The following RNF149 variants were observed in gnomAD, a reference collection of about 807,000 sequenced individuals.
RNF149 encodes the protein ring finger protein 149, also known as E3 ubiquitin-protein ligase RNF149.
A neutral mutation model predicts 39.0 loss-of-function variants in RNF149; 21 were observed. The ratio of observed to expected loss-of-function variants is 0.54; its 90% CI spans 0.38 to 0.77. RNF149 has a LOEUF of 0.77. Among genes scored for constraint, RNF149 ranks in the 30% least tolerant of loss-of-function variants. The pLI is 0.00. For synonymous variants in RNF149, 209 were observed against 213.6 expected (o/e 0.98, Z 0.19); for missense variants, 493 against 534.9 (o/e 0.92, Z 0.77).
intron 1 of RNF149, among the ~76,000 whole-genome samples, chr2:101,300,379 G>A (rs546883006): frequency 3.3e-4 from 51 of 152,304 alleles, no homozygotes; most frequent in African/African-American, 1.2e-3. Context: ...TCTCAAGGCT[G>A]GGGGTGGGGG....
intron 1 of RNF149, among the ~76,000 whole-genome samples, chr2:101,304,358 C>G (rs1683578065): frequency 6.6e-6 from 1 of 152,192 alleles, no homozygotes; most frequent in Non-Finnish European, 1.5e-5. Context: ...GATCATGCCA[C>G]TGCACTCCAG....
rs1682336790 is a variant in RNF149, at chr2:101,276,147, A to G, written c.*1091T>C. The G allele has an allele frequency of 2.1e-6, 2 of 970,608 alleles. No individual in the cohort carries two copies. Among genetic ancestry groups the G allele is most frequent in the African/African-American group, 1.8e-5 (1 of 56,976 alleles). 60.1% of individuals were successfully genotyped at this position (970,608 alleles called of 1,614,324 possible). ...AGTAAAGATATACAGAATAACTAGG[A>G]GCAAGGAAAGACTATAATTCCACAC... On this transcript the variant is annotated 3_prime_UTR_variant, in exon 7 of 7. Transcript: ENST00000295317.
chr2:101,273,162 C>T, downstream of RNF149: 12 of 1,308,386 alleles, frequency 9.2e-6, no homozygotes, highest in Non-Finnish European at 1.2e-5. Context: ...CCTCTCTGGC[C>T]CTTTAGTTTT....
At chr2:101,297,104 G>A (rs1683261659) in intron 1 of RNF149, among the ~76,000 whole-genome samples, 2 of 152,094 alleles carry the variant, frequency 1.3e-5, no homozygotes, top group Non-Finnish European at 2.9e-5. Flanking sequence ...AGCTACTCAG[G>A]AGACAGAGAT....
At chr2:101,302,745 C>T (rs979765302) in intron 1 of RNF149, among the ~76,000 whole-genome samples, 4 of 152,038 alleles carry the variant, frequency 2.6e-5, no homozygotes, top group Non-Finnish European at 4.4e-5. Context: ...TCTGGGAGGC[C>T]GGGGCAGAAG....
chr2:101,277,104 T>A lies in RNF149; in HGVS notation c.*134A>T, dbSNP rs1682374203. ...AGAAAATATCTTAGTCCTTTGTATA[T>A]CAAATCAGAATCTAATAGGTAAAAT... On this transcript the variant is annotated 3_prime_UTR_variant, in exon 7 of 7. Transcript: ENST00000295317. The A allele has an allele frequency of 2.1e-6, 3 of 1,437,300 alleles. No homozygotes were observed. The highest frequency in any genetic ancestry group is 4.7e-5 in the Admixed American group (2 of 42,804). The allele number at this position is 1,437,300 out of a possible 1,614,324, so 89.0% of individuals were successfully genotyped here. A position where few individuals can be genotyped will look rare whatever the true frequency, so the allele number is the denominator to read the frequency against.
intron 3 of RNF149, among the ~76,000 whole-genome samples, chr2:101,290,617 T>C (rs1257003423): frequency 6.6e-6 from 1 of 152,208 alleles, no homozygotes; most frequent in Non-Finnish European, 1.5e-5. Context: ...TTACATTTGC[T>C]AAAGAATGGA....
At chr2:101,305,990 T>G (rs1683644182) in intron 1 of RNF149, among the ~76,000 whole-genome samples, 1 of 152,206 alleles carries the variant, frequency 6.6e-6, no homozygotes, top group Admixed American at 6.5e-5. Flanking sequence ...TCAAACAGAA[T>G]TATTCTCTCA....
intron 1 of RNF149, among the ~76,000 whole-genome samples, chr2:101,298,804 G>C (rs1414976349): frequency 6.6e-6 from 1 of 152,178 alleles, no homozygotes; most frequent in Non-Finnish European, 1.5e-5. Context: ...GACAGGCTGG[G>C]GGGTCTTATT....
chr2:101,288,230 C>CTTTTTT (rs554652378), intron 4 of RNF149, among the ~76,000 whole-genome samples: 2 of 60,574 alleles, frequency 3.3e-5, no homozygotes, highest in African/African-American at 7.1e-5. Context: ...GAAAGAAAAA[C>CTTTTTT]TTTTTTTTTT....
chr2:101,307,354 A>C (rs1683705232), intron 1 of RNF149, among the ~76,000 whole-genome samples: 2 of 152,106 alleles, frequency 1.3e-5, no homozygotes, highest in Non-Finnish European at 2.9e-5. Context: ...CGCGATTTTA[A>C]GAAATTTTTG....
intron 3 of RNF149, among the ~76,000 whole-genome samples, chr2:101,292,593 C>T (rs1003636655): frequency 2.6e-5 from 4 of 152,058 alleles, no homozygotes; most frequent in Admixed American, 2.0e-4. Context: ...GGTGAAACTC[C>T]GTCTCTACTA....
chr2:101,297,964 A>T (rs1394330398), intron 1 of RNF149, among the ~76,000 whole-genome samples: 2 of 152,244 alleles, frequency 1.3e-5, no homozygotes, highest in Admixed American at 6.5e-5. Flanking sequence ...TGGCAAAAAT[A>T]GGCACGAATG....
intron 1 of RNF149, among the ~76,000 whole-genome samples, chr2:101,302,331 A>C (rs772293687): frequency 2.0e-5 from 3 of 152,184 alleles, no homozygotes; most frequent in Non-Finnish European, 2.9e-5. Flanking sequence ...CCCAATAAAG[A>C]GATTCCCTAG....
At chr2:101,284,731 T>A (rs569939656) in intron 5 of RNF149, among the ~76,000 whole-genome samples, 64 of 152,172 alleles carry the variant, frequency 4.2e-4, no homozygotes, top group Non-Finnish European at 8.5e-4. Context: ...GATGCCACTA[T>A]AGAAGCTTAC....
chr2:101,302,249 C>T (rs576277828), intron 1 of RNF149, among the ~76,000 whole-genome samples: 1 of 152,104 alleles, frequency 6.6e-6, no homozygotes, highest in Non-Finnish European at 1.5e-5. Context: ...AAGGCTGCTA[C>T]GTGAATGAAT....
At chr2:101,297,046 T>G (rs940624807) in intron 1 of RNF149, among the ~76,000 whole-genome samples, 1 of 152,064 alleles carries the variant, frequency 6.6e-6, no homozygotes, top group Non-Finnish European at 1.5e-5. Context: ...CCGTCTCTAC[T>G]GAAATTACAA....
At chr2:101,297,836 C>A (rs1339871379) in intron 1 of RNF149, among the ~76,000 whole-genome samples, 1 of 152,216 alleles carries the variant, frequency 6.6e-6, no homozygotes, top group Non-Finnish European at 1.5e-5. Context: ...CCTGTGTCCA[C>A]TGGCAGTCAC....
intron 1 of RNF149, among the ~76,000 whole-genome samples, chr2:101,301,189 C>A (rs992398456): frequency 3.3e-5 from 5 of 151,998 alleles, no homozygotes; most frequent in Admixed American, 3.3e-4. Flanking sequence ...CCCAAAAGAA[C>A]CTATACACCT....
Sources: gnomAD v4.1 joint callset for allele counts (sites outside exome capture counted in the v4.1 genomes callset) on GRCh38, gnomAD v4.1.1 for gene constraint, MANE v1.5 for transcripts, NCBI Gene and HGNC (gene_info 2026-07-23, HGNC 2026-07-21) for gene names.